The following LRRC8B variants were observed in gnomAD, a reference collection of about 807,000 sequenced individuals.
The protein encoded by LRRC8B is leucine rich repeat containing 8 VRAC subunit B.
A neutral mutation model predicts 58.8 loss-of-function variants in LRRC8B; 23 were observed. The observed-to-expected ratio is 0.39, with a 90% CI of 0.28 to 0.55. LRRC8B has a LOEUF of 0.55. LRRC8B is among the 20% of genes least tolerant of loss of function. LRRC8B has a pLI of 0.62. For missense variants in LRRC8B, 694 were observed against 936.0 expected, an observed-to-expected ratio of 0.74 and a Z score of 3.37; for synonymous variants, 359 against 374.1, an observed-to-expected ratio of 0.96 and a Z score of 0.47.
At chr1:89,571,354 G>C (rs570743823) in intron 3 of LRRC8B, among the ~76,000 whole-genome samples, 1 of 152,260 alleles carries the variant, frequency 6.6e-6, no homozygotes, top group South Asian at 2.1e-4. Flanking sequence ...CATGACCATG[G>C]AATGTTTTTC....
At chr1:89,575,059 G>A (rs966447984) in intron 3 of LRRC8B, among the ~76,000 whole-genome samples, 12 of 152,160 alleles carry the variant, frequency 7.9e-5, no homozygotes, top group Admixed American at 7.2e-4. Flanking sequence ...ATGCCATAAG[G>A]GGATGAAGTT....
intron 3 of LRRC8B, among the ~76,000 whole-genome samples, chr1:89,575,191 A>G (rs944301946): frequency 2.0e-5 from 3 of 152,160 alleles, no homozygotes; most frequent in Admixed American, 2.0e-4. Flanking sequence ...CACTCCTCCT[A>G]TTGAAAGATA....
At chr1:89,588,044 T>C (rs1195854563) in intron 5 of LRRC8B, 1 of 152,200 alleles carries the variant, frequency 6.6e-6, no homozygotes, top group East Asian at 1.9e-4. Flanking sequence ...GAGCAACTGA[T>C]TGGCATAGCT....
chr1:89,560,662 T>A (rs1161568208), intron 1 of LRRC8B, among the ~76,000 whole-genome samples: 1 of 149,872 alleles, frequency 6.7e-6, no homozygotes, highest in Non-Finnish European at 1.5e-5. Context: ...TTGCGATAGT[T>A]TACTGAGAAT....
intron 1 of LRRC8B, among the ~76,000 whole-genome samples, chr1:89,559,241 A>G (rs1035239600): frequency 6.6e-6 from 1 of 152,142 alleles, no homozygotes; most frequent in Non-Finnish European, 1.5e-5. Context: ...CGAGCATAGC[A>G]TATGTGTGAG....
chr1:89,574,477 CCATGACCTACAGTAACATGGAACATAGAA>C (rs567005519), intron 3 of LRRC8B, among the ~76,000 whole-genome samples: 1 of 152,238 alleles, frequency 6.6e-6, no homozygotes, highest in South Asian at 2.1e-4. Flanking sequence ...GTCAGCAAGA[CCATGACCTACAGTAACATGGAACATAGAA>C]AATGAACCTA....
rs747097331 is a variant in LRRC8B, at chr1:89,583,568, T to C, written c.918T>C (p.Tyr306=). 3.7e-6 allele frequency: 6 copies of C among 1,611,296 alleles called. No individual in the cohort carries two copies. In the Admixed American group the frequency reaches 1.0e-4, roughly 27 times the overall value. Residue 306 remains tyrosine, a synonymous_variant, in exon 5 of 6, where the codon TAT becomes TAC. Transcript: ENST00000330947. The surrounding 1 kb of genome is among the most constrained non-coding windows in gnomAD (Gnocchi z 5.2). Reference sequence around the variant, plus strand: ...GATATAAGCGCTACCAGTGTGTCTATTCCTTGGCAGAAATCTTTAAGGTCC... The same window carrying C: ...GATATAAGCGCTACCAGTGTGTCTACTCCTTGGCAGAAATCTTTAAGGTCC... ...FTGYKRYQCV[Y]SLAEIFKVLA... is the part of the protein sequence containing the mutation.
intron 1 of LRRC8B, among the ~76,000 whole-genome samples, chr1:89,529,568 T>A (rs1382309886): frequency 6.6e-6 from 1 of 152,200 alleles, no homozygotes; most frequent in Non-Finnish European, 1.5e-5. Context: ...AAGTGCTTAA[T>A]ACTGTCCTCA....
In LRRC8B at chr1:89,570,656, T is replaced by C. The variant is rs188209008; in HGVS notation, c.-125+2163T>C. On this transcript the variant is annotated intron_variant, in intron 3 of 5. Transcript: ENST00000330947. ...AGTTTGCAAAATTTTTTTCGCATTC[T>C]GTAGGTTGTCTGTTTACTCTGTTGA... Among the ~76,000 whole-genome samples the C allele has an allele frequency of 3.9e-5, 6 of 152,350 alleles. No individual in the cohort carries two copies. In the East Asian group the frequency reaches 1.2e-3, roughly 29 times the overall value.
At chr1:89,540,887 T>C (rs778680676) in intron 1 of LRRC8B, among the ~76,000 whole-genome samples, 11 of 152,242 alleles carry the variant, frequency 7.2e-5, no homozygotes, top group Non-Finnish European at 1.2e-4. Flanking sequence ...GAAGATCCTA[T>C]GGTAATTACT....
rs79276415 is a variant in LRRC8B, at chr1:89,539,481, T to A, written c.-241+14459T>A. The stretch of plus-strand genomic sequence containing the variant: ...CATTGTGGGGGTATAGGGACTGGGG[T>A]TATGGGCTGATTTGGACCCTACAAT... On this transcript the variant is annotated intron_variant, in intron 1 of 5. Coordinates refer to ENST00000330947, the MANE Select transcript of LRRC8B (RefSeq NM_001369817.2). 8.2e-3 allele frequency among the ~76,000 whole-genome samples: 1,255 copies of A among 152,222 alleles called. 11 individuals carry two copies. The highest frequency in any genetic ancestry group is 0.014 in the Non-Finnish European group (920 of 68,020).
At position 89,594,991 on chromosome 1, in the gene LRRC8B, C is replaced by T. The variant is rs1655214381; in HGVS notation, c.*1948C>T. 1.3e-5 allele frequency: 2 copies of T among 152,136 alleles called. No homozygotes were observed. The highest frequency in any genetic ancestry group is 6.5e-5 in the Admixed American group (1 of 15,268). The allele number at this position is 152,136 out of a possible 1,614,324, so 9.4% of individuals were successfully genotyped here. ...CTTTAAAGCATAGCAAATAGAGCTT[C>T]CCCTCACCTGCCACACACTCCTGCA... On this transcript the variant is annotated 3_prime_UTR_variant, in exon 6 of 6. Coordinates refer to ENST00000330947, the MANE Select transcript of LRRC8B (RefSeq NM_001369817.2).
At chr1:89,546,185 A>T (rs1478195889) in intron 1 of LRRC8B, among the ~76,000 whole-genome samples, 2 of 152,174 alleles carry the variant, frequency 1.3e-5, no homozygotes, top group African/African-American at 4.8e-5. Flanking sequence ...GCGGCCTGGT[A>T]CCAAATTTGA....
At chr1:89,546,039 A>G (rs535636253) in intron 1 of LRRC8B, among the ~76,000 whole-genome samples, 1 of 152,332 alleles carries the variant, frequency 6.6e-6, no homozygotes, top group South Asian at 2.1e-4. Flanking sequence ...TCATACTTCT[A>G]TATACATTAG....
At chr1:89,542,570 AG>A (rs1307599571) in intron 1 of LRRC8B, among the ~76,000 whole-genome samples, 1 of 152,148 alleles carries the variant, frequency 6.6e-6, no homozygotes, top group Non-Finnish European at 1.5e-5. Context: ...CATGGAGCTA[AG>A]CTACTTTTTA....
At chr1:89,562,044 G>A (rs1325193795) in intron 1 of LRRC8B, among the ~76,000 whole-genome samples, 1 of 151,992 alleles carries the variant, frequency 6.6e-6, no homozygotes, top group African/African-American at 2.4e-5. Flanking sequence ...GGGATATGTG[G>A]ATGGATGGAT....
At chr1:89,541,059 A>T (rs1211063365) in intron 1 of LRRC8B, among the ~76,000 whole-genome samples, 1 of 152,214 alleles carries the variant, frequency 6.6e-6, no homozygotes, top group Non-Finnish European at 1.5e-5. Context: ...TTTTTAAATT[A>T]TAGCTTCTAA....
chr1:89,569,947 G>A (rs568354631), intron 3 of LRRC8B, among the ~76,000 whole-genome samples: 22 of 152,162 alleles, frequency 1.4e-4, no homozygotes, highest in African/African-American at 5.1e-4. Flanking sequence ...CTACTTATAA[G>A]TAAGAACATG....
chr1:89,545,131 C>T (rs911191449), intron 1 of LRRC8B, among the ~76,000 whole-genome samples: 1 of 152,148 alleles, frequency 6.6e-6, no homozygotes. Context: ...TTTCTTGATT[C>T]TTAATCCCAT....
Sources: gnomAD v4.1 joint callset for allele counts (sites outside exome capture counted in the v4.1 genomes callset) on GRCh38, gnomAD v4.1.1 for gene constraint, Gnocchi (gnomAD v3.1) non-coding constraint, MANE v1.5 for transcripts, NCBI Gene and HGNC (gene_info 2026-07-23, HGNC 2026-07-21) for gene names.